The following ORC5 variants were observed in gnomAD, a reference collection of about 807,000 sequenced individuals.
ORC5 encodes origin recognition complex subunit 5, also known as protein phosphatase 1, regulatory subunit 117.
A neutral mutation model predicts 58.8 loss-of-function variants in ORC5; 39 were observed. The observed-to-expected ratio is 0.66, with a 90% CI of 0.51 to 0.87. The LOEUF is 0.87. ORC5 is among the 40% of genes least tolerant of loss of function. ORC5 has a pLI of 0.00. For missense variants in ORC5, 493 were observed against 506.3 expected (o/e 0.97, Z 0.25); for synonymous variants, 218 against 177.6 (o/e 1.23, Z -1.81).
At chr7:104,193,922 TTTAAA>T (rs1445119256) in intron 5 of ORC5, among the ~76,000 whole-genome samples, 11 of 151,674 alleles carry the variant, frequency 7.3e-5, no homozygotes, top group African/African-American at 2.4e-4. Flanking sequence ...AATCTATAAA[TTTAAA>T]TTATAGAATT....
chr7:104,204,123 T>G lies in ORC5; in HGVS notation c.165+19A>C. On this transcript the variant is annotated intron_variant, in intron 2 of 13. Coordinates refer to ENST00000297431, the MANE Select transcript of ORC5 (RefSeq NM_002553.4). ...TACACTAAAAATGGCAAAGAAATATTTAATATTTTTATTCTTACCTCTAAA... is the reference window on the plus strand; with the variant it reads ...TACACTAAAAATGGCAAAGAAATATGTAATATTTTTATTCTTACCTCTAAA... 1 of 1,368,070 alleles carries G rather than the reference T, an allele frequency of 7.3e-7. No individual in the cohort carries two copies. The highest frequency in any genetic ancestry group is 1.0e-6 in the Non-Finnish European group (1 of 978,156). 84.7% of individuals were successfully genotyped at this position (1,368,070 alleles called of 1,614,324 possible).
intron 12 of ORC5, among the ~76,000 whole-genome samples, chr7:104,159,874 A>G (rs1798995486): frequency 6.6e-6 from 1 of 152,204 alleles, no homozygotes; most frequent in Non-Finnish European, 1.5e-5. Context: ...AAAACAAAAA[A>G]TTCCTATGTT....
intron 12 of ORC5, among the ~76,000 whole-genome samples, chr7:104,145,445 C>A (rs1160650119): frequency 6.6e-6 from 1 of 152,082 alleles, no homozygotes; most frequent in African/African-American, 2.4e-5. Context: ...AAAAAGCTCT[C>A]TAAATAATAA....
At position 104,165,217 on chromosome 7, in the gene ORC5, A is replaced by C; in HGVS notation, c.1038+18T>G. On this transcript the variant is annotated intron_variant, in intron 11 of 13. Coordinates refer to ENST00000297431, the MANE Select transcript of ORC5 (RefSeq NM_002553.4). Reference sequence around the variant, plus strand: ...TCATTTCCTAAGTTTCTTCCATTAGAAATTAAAATGTAAATACCTTTTCGT... The same window carrying C: ...TCATTTCCTAAGTTTCTTCCATTAGCAATTAAAATGTAAATACCTTTTCGT... 1 of 1,247,380 alleles carries C rather than the reference A, an allele frequency of 8.0e-7. No individual in the cohort carries two copies. Among genetic ancestry groups the C allele is most frequent in the Non-Finnish European group, 1.1e-6 (1 of 873,578 alleles). 77.3% of individuals were successfully genotyped at this position (1,247,380 alleles called of 1,614,324 possible).
intron 3 of ORC5, among the ~76,000 whole-genome samples, chr7:104,199,036 C>T (rs951945384): frequency 6.6e-5 from 10 of 152,248 alleles, no homozygotes; most frequent in African/African-American, 1.9e-4. Flanking sequence ...GTTTGGGAAC[C>T]TCTGCCTAGA....
intron 8 of ORC5, among the ~76,000 whole-genome samples, chr7:104,179,818 T>C (rs1323479311): frequency 6.6e-6 from 1 of 152,226 alleles, no homozygotes; most frequent in Admixed American, 6.5e-5. Context: ...TCTTACTGCA[T>C]GTCATACATC....
chr7:104,137,697 C>T (rs1183408037), intron 12 of ORC5, among the ~76,000 whole-genome samples: 2 of 152,000 alleles, frequency 1.3e-5, no homozygotes, highest in Non-Finnish European at 2.9e-5. Context: ...CAGCAGGCCA[C>T]CTACGGTGGG....
intron 10 of ORC5, 65 bp downstream of exon 10, chr7:104,166,707 T>C (rs1360578488): frequency 3.4e-6 from 3 of 893,350 alleles, no homozygotes; most frequent in Non-Finnish European, 5.4e-6. Context: ...TTACAAGTGT[T>C]AAGAAATTTC....
At chr7:104,200,300 A>T (rs111547976) in intron 3 of ORC5, among the ~76,000 whole-genome samples, 2,254 of 152,252 alleles carry the variant, frequency 0.015, 57 homozygotes, top group African/African-American at 0.051. Context: ...TGCCCAACCT[A>T]TCTTCCAGTC....
At chr7:104,175,928 G>A (rs1324038124) in intron 8 of ORC5, among the ~76,000 whole-genome samples, 1 of 152,150 alleles carries the variant, frequency 6.6e-6, no homozygotes, top group East Asian at 1.9e-4. Flanking sequence ...ACATTGGAAT[G>A]TGTAACACTA....
intron 12 of ORC5, among the ~76,000 whole-genome samples, chr7:104,154,910 T>G (rs115789333): frequency 6.6e-6 from 1 of 151,804 alleles, no homozygotes; most frequent in Admixed American, 6.6e-5. Flanking sequence ...AAGTACAGTA[T>G]AGCAAAAACA....
chr7:104,207,581 A>C (rs1399208093), intron 1 of ORC5, among the ~76,000 whole-genome samples: 1 of 152,222 alleles, frequency 6.6e-6, no homozygotes, highest in Non-Finnish European at 1.5e-5. Flanking sequence ...AACTTCTGAA[A>C]AGTGTGGCGT....
Position 104,129,266 on chromosome 7 carries a change from A to T in ORC5, c.1263-2373T>A, listed in dbSNP as rs1798479494. 6.6e-6 allele frequency among the ~76,000 whole-genome samples: 1 copy of T among 152,204 alleles called. No homozygotes were observed. The highest frequency in any genetic ancestry group is 1.5e-5 in the Non-Finnish European group (1 of 68,028). Reference sequence around the variant, plus strand: ...ATAAATAACAGAACAGACTTAATAGAATGAATGGAGTGACTTAAAAACACT... The same window carrying T: ...ATAAATAACAGAACAGACTTAATAGTATGAATGGAGTGACTTAAAAACACT... On this transcript the variant is annotated intron_variant, in intron 13 of 13. Transcript: ENST00000297431. The surrounding 1 kb of genome is among the most constrained non-coding windows in gnomAD (Gnocchi z 4.9).
chr7:104,198,857 G>T (rs1799862924), intron 3 of ORC5, among the ~76,000 whole-genome samples: 1 of 152,196 alleles, frequency 6.6e-6, no homozygotes, highest in Admixed American at 6.5e-5. Context: ...TGGTTTTGTG[G>T]GCCAGGGCCT....
chr7:104,204,064 T>G (rs901869122), intron 2 of ORC5, 78 bp downstream of exon 2: 2 of 686,874 alleles, frequency 2.9e-6, no homozygotes, highest in Non-Finnish European at 4.9e-6. Context: ...AATTTTGCAT[T>G]TGTGGAGATT....
At chr7:104,176,343 A>T (rs1799320728) in intron 8 of ORC5, among the ~76,000 whole-genome samples, 1 of 152,248 alleles carries the variant, frequency 6.6e-6, no homozygotes. Context: ...GGAAAGGCAT[A>T]GACAGGGAAA....
intron 12 of ORC5, among the ~76,000 whole-genome samples, chr7:104,144,906 G>T (rs194861): frequency 6.6e-6 from 1 of 151,880 alleles, no homozygotes; most frequent in African/African-American, 2.4e-5. Flanking sequence ...CTGACAAAAA[G>T]TCTCTAGACA....
At chr7:104,150,255 A>C (rs1798823065) in intron 12 of ORC5, among the ~76,000 whole-genome samples, 1 of 152,204 alleles carries the variant, frequency 6.6e-6, no homozygotes, top group African/African-American at 2.4e-5. Flanking sequence ...CATTGACTTA[A>C]GAAATATCCT....
At chr7:104,141,731 A>G (rs751387075) in intron 12 of ORC5, among the ~76,000 whole-genome samples, 36 of 152,198 alleles carry the variant, frequency 2.4e-4, no homozygotes, top group Non-Finnish European at 4.7e-4. Context: ...AACAGCATCA[A>G]AAAGAATAAA....
Sources: allele counts gnomAD v4.1 joint callset (sites outside exome capture counted in the v4.1 genomes callset), GRCh38; gene constraint gnomAD v4.1.1; non-coding constraint Gnocchi (gnomAD v3.1); transcripts MANE v1.5; gene names NCBI Gene and HGNC (gene_info 2026-07-23, HGNC 2026-07-21).